Variants in THEMIS observed in about 807,000 individuals in gnomAD.
The protein encoded by THEMIS is thymocyte selection associated, also known as protein THEMIS.
A neutral mutation model predicts 52.6 loss-of-function variants in THEMIS; 37 were observed. That is an observed-to-expected ratio of 0.70 (90% CI 0.54 to 0.93). The LOEUF (loss-of-function observed/expected upper bound fraction) is 0.93. Among genes scored for constraint, THEMIS ranks in the 40% least tolerant of loss-of-function variants. THEMIS has a pLI of 0.00. For missense variants in THEMIS, 808 were observed against 763.1 expected (o/e 1.06, Z -0.69); for synonymous variants, 292 against 272.7 (o/e 1.07, Z -0.70).
chr6:127,719,802 T>TGATTTG lies in THEMIS; in HGVS notation c.1779_1780insCAAATC (p.Thr593_Lys594insGlnIle). The TGATTTG allele has an allele frequency of 6.2e-7, 1 of 1,612,340 alleles. No homozygotes were observed. The highest frequency in any genetic ancestry group is 1.1e-5 in the South Asian group (1 of 90,976). On this transcript the variant is annotated inframe_insertion, in exon 5 of 6. Coordinates refer to ENST00000368248, the MANE Select transcript of THEMIS (RefSeq NM_001010923.3). ...CCAGCTTGATTTGGGTGAAGTTTCT[T>TGATTTG]GGTTATGTCTACGTGATGACGCTGA...
At chr6:127,717,754 G>T (rs995202703) in intron 5 of THEMIS, among the ~76,000 whole-genome samples, 4 of 151,196 alleles carry the variant, frequency 2.6e-5, no homozygotes, top group African/African-American at 9.7e-5. Context: ...GTAACTGAAA[G>T]AATTAGGTCT....
At chr6:127,721,860 G>T (rs1162432258) in intron 4 of THEMIS, among the ~76,000 whole-genome samples, 3 of 151,956 alleles carry the variant, frequency 2.0e-5, no homozygotes, top group African/African-American at 4.8e-5. Context: ...ATCAAAGAAG[G>T]AATAAGCTTC....
At chr6:127,799,527 TTCTC>T (rs199626014) in intron 4 of THEMIS, among the ~76,000 whole-genome samples, 1 of 132,238 alleles carries the variant, frequency 7.6e-6, no homozygotes, top group Non-Finnish European at 1.7e-5. Flanking sequence ...CTTTCTTTCT[TTCTC>T]TTTCTTTCTT....
intron 4 of THEMIS, among the ~76,000 whole-genome samples, chr6:127,756,024 C>T (rs939613473): frequency 6.7e-6 from 1 of 149,490 alleles, no homozygotes; most frequent in Non-Finnish European, 1.5e-5. Context: ...GAGACTCCAT[C>T]TCAAAAAAAA....
intron 1 of THEMIS, among the ~76,000 whole-genome samples, chr6:127,855,656 C>A (rs1311784879): frequency 6.6e-6 from 1 of 151,928 alleles, no homozygotes; most frequent in African/African-American, 2.4e-5. Flanking sequence ...TTTATTAGAT[C>A]TGGTTCTCTT....
chr6:127,843,526 T>G (rs535593697), intron 2 of THEMIS, among the ~76,000 whole-genome samples: 8 of 152,100 alleles, frequency 5.3e-5, no homozygotes, highest in African/African-American at 1.9e-4. Context: ...AATAAGTTGT[T>G]GAAAGTATAA....
chr6:127,866,815 G>T (rs1779993934), intron 1 of THEMIS, among the ~76,000 whole-genome samples: 1 of 151,690 alleles, frequency 6.6e-6, no homozygotes, highest in Admixed American at 6.6e-5. Flanking sequence ...CCCTTTTCTT[G>T]AGAAACTTAC....
At chr6:127,706,919 C>A (rs1221839885), downstream of THEMIS, among the ~76,000 whole-genome samples, 3 of 151,990 alleles carry the variant, frequency 2.0e-5, no homozygotes, top group Admixed American at 6.6e-5. Context: ...TCTTACACTG[C>A]TAATAAAGGT....
intron 4 of THEMIS, among the ~76,000 whole-genome samples, chr6:127,743,270 C>G (rs186117310): frequency 1.8e-3 from 267 of 152,236 alleles, no homozygotes; most frequent in African/African-American, 5.8e-3. Context: ...GACTGCTACT[C>G]TTCTGGGCAT....
rs1047667464 is a variant in THEMIS at position 127,709,798 on chromosome 6, A to G, written c.*187T>C. On this transcript the variant is annotated 3_prime_UTR_variant, in exon 6 of 6. Transcript: ENST00000368248. ...AGACACAACAGAATAGACTATATGAATTCTATATCATAGGTTTCTGTAAGT... is the reference window on the plus strand; with the variant it reads ...AGACACAACAGAATAGACTATATGAGTTCTATATCATAGGTTTCTGTAAGT... 3.6e-6 allele frequency: 2 copies of G among 559,682 alleles called. No individual in the cohort carries two copies. Among genetic ancestry groups the G allele is most frequent in the African/African-American group, 2.0e-5 (1 of 50,450 alleles). 34.7% of individuals were successfully genotyped at this position (559,682 alleles called of 1,614,324 possible). A position where few individuals can be genotyped will look rare whatever the true frequency, so the allele number is the denominator to read the frequency against.
chr6:127,725,147 C>T (rs747271779), intron 4 of THEMIS, among the ~76,000 whole-genome samples: 15 of 152,000 alleles, frequency 9.9e-5, no homozygotes, highest in Non-Finnish European at 1.9e-4. Flanking sequence ...AGCAACCTCC[C>T]TCTCTGCTTA....
rs1040065151 is a variant in THEMIS at position 127,839,595 on chromosome 6, T to C, written c.251-9661A>G. Among the ~76,000 whole-genome samples, 4 of 152,094 alleles carry C rather than the reference T, an allele frequency of 2.6e-5. No homozygotes were observed. In the South Asian group the frequency reaches 8.3e-4, roughly 32 times the overall value. ...ACAGATCACTGCGGCCTCGAACTCC[T>C]GGGTTCATGCCATCCTCCCACCTAA... On this transcript the variant is annotated intron_variant, in intron 2 of 5. Transcript: ENST00000368248.
chr6:127,877,993 C>A (rs1780365926), intron 1 of THEMIS, among the ~76,000 whole-genome samples: 1 of 152,268 alleles, frequency 6.6e-6, no homozygotes, highest in East Asian at 1.9e-4. Context: ...AGAAATAAAA[C>A]CCAGGGTGGC....
At chr6:127,712,275 C>A (rs765332999) in intron 5 of THEMIS, among the ~76,000 whole-genome samples, 27 of 151,822 alleles carry the variant, frequency 1.8e-4, no homozygotes, top group South Asian at 2.1e-4. Context: ...TTAGAAGAGA[C>A]CTTATACGTC....
intron 4 of THEMIS, among the ~76,000 whole-genome samples, chr6:127,776,853 G>A (rs55658289): frequency 6.6e-6 from 1 of 151,942 alleles, no homozygotes; most frequent in Non-Finnish European, 1.5e-5. Context: ...TCTCTTATTA[G>A]TTGCATACAC....
intron 1 of THEMIS, among the ~76,000 whole-genome samples, chr6:127,872,931 TTAAG>T (rs1420277490): frequency 6.6e-6 from 1 of 152,174 alleles, no homozygotes; most frequent in African/African-American, 2.4e-5. Context: ...ATTAGAACTA[TTAAG>T]TGAGTTCACC....
At chr6:127,848,777 T>C (rs182811710) in intron 2 of THEMIS, among the ~76,000 whole-genome samples, 6 of 152,172 alleles carry the variant, frequency 3.9e-5, no homozygotes, top group African/African-American at 1.2e-4. Flanking sequence ...GGATTGTTTG[T>C]TTTTTTCTTG....
At chr6:127,752,862 G>T (rs904220298) in intron 4 of THEMIS, among the ~76,000 whole-genome samples, 3 of 151,664 alleles carry the variant, frequency 2.0e-5, no homozygotes, top group African/African-American at 7.2e-5. Flanking sequence ...AGTCAGACAA[G>T]AACCCAAAAA....
chr6:127,828,702 C>A (rs1778591596), intron 3 of THEMIS, among the ~76,000 whole-genome samples: 1 of 152,178 alleles, frequency 6.6e-6, no homozygotes, highest in East Asian at 1.9e-4. Context: ...CACCTGTAAT[C>A]CCAGCACTTT....
Sources: allele counts gnomAD v4.1 joint callset (sites outside exome capture counted in the v4.1 genomes callset), GRCh38; gene constraint gnomAD v4.1.1; transcripts MANE v1.5; gene names NCBI Gene and HGNC (gene_info 2026-07-23, HGNC 2026-07-21).